Variants in GTF2A1L observed in about 807,000 individuals in gnomAD.
GTF2A1L encodes the protein TFIIA-alpha and beta-like factor.
A neutral mutation model predicts 49.7 loss-of-function variants in GTF2A1L; 48 were observed. That is an observed-to-expected ratio of 0.97 (90% CI 0.77 to 1.23). The LOEUF is 1.23. GTF2A1L is among the 50% of genes most tolerant of loss of function. GTF2A1L has a pLI of 0.00. For synonymous variants in GTF2A1L, 246 were observed against 193.5 expected (o/e 1.27, Z -2.25); for missense variants, 736 against 564.8 (o/e 1.30, Z -3.07).
At chr2:48,661,247 CTTTTTTTT>C (rs70946820) in intron 6 of GTF2A1L, among the ~76,000 whole-genome samples, 14 of 62,740 alleles carry the variant, frequency 2.2e-4, no homozygotes, top group Admixed American at 1.3e-3. Flanking sequence ...CATCCCCAAA[CTTTTTTTT>C]TTTTTTTTTT....
chr2:48,631,854 G>T (rs941068013), intron 3 of GTF2A1L, among the ~76,000 whole-genome samples: 3 of 152,056 alleles, frequency 2.0e-5, no homozygotes, highest in Non-Finnish European at 4.4e-5. Flanking sequence ...TTGGTATGTT[G>T]TGTCTGTGTT....
At chr2:48,626,035 A>AT (rs2104084991) in intron 3 of GTF2A1L, among the ~76,000 whole-genome samples, 1 of 143,916 alleles carries the variant, frequency 6.9e-6, no homozygotes, top group Admixed American at 7.0e-5. Context: ...TTTTGAATTG[A>AT]TTTTTATGTA....
At chr2:48,629,476 A>G (rs1676463380) in intron 3 of GTF2A1L, among the ~76,000 whole-genome samples, 1 of 144,044 alleles carries the variant, frequency 6.9e-6, no homozygotes, top group South Asian at 2.4e-4. Context: ...CAACAATGGC[A>G]AGGTTGTGGA....
At chr2:48,669,219 T>C (rs1572773341) in intron 6 of GTF2A1L, among the ~76,000 whole-genome samples, 1 of 152,206 alleles carries the variant, frequency 6.6e-6, no homozygotes, top group Non-Finnish European at 1.5e-5. Flanking sequence ...ACCTCGATTT[T>C]ACTTTCTGTT....
intron 8 of GTF2A1L, among the ~76,000 whole-genome samples, chr2:48,678,115 C>T (rs1297375398): frequency 6.6e-6 from 1 of 151,588 alleles, no homozygotes. Context: ...TATGATTTGT[C>T]AGTAACTGAA....
At chr2:48,641,008 T>C (rs974428330) in intron 3 of GTF2A1L, among the ~76,000 whole-genome samples, 1 of 152,214 alleles carries the variant, frequency 6.6e-6, no homozygotes, top group Non-Finnish European at 1.5e-5. Context: ...AACTCTCTTA[T>C]TGTACTGTTT....
At position 48,679,520 on chromosome 2, in the gene GTF2A1L, A is replaced by G. The variant is rs1009765738; in HGVS notation, c.*78A>G. On this transcript the variant is annotated 3_prime_UTR_variant, in exon 9 of 9. Coordinates refer to ENST00000403751, the MANE Select transcript of GTF2A1L (RefSeq NM_006872.5). ...ATATTGTGAATTCATTTTTATTTTG[A>G]ATATAGTCCAGCACAGAGCTGTTCA... 39 of 1,584,336 alleles carry G rather than the reference A, an allele frequency of 2.5e-5. No homozygotes were observed. In the African/African-American group the frequency reaches 4.0e-4, roughly 16 times the overall value.
chr2:48,620,813 AT>A (rs1675948316), intron 1 of GTF2A1L, 37 bp from the exon 2 acceptor site: 12 of 1,139,524 alleles, frequency 1.1e-5, no homozygotes, highest in Admixed American at 9.8e-5. Context: ...AAATAAATAA[AT>A]AAATAAAATG....
intron 4 of GTF2A1L, 98 bp downstream of exon 4, chr2:48,642,555 T>C: frequency 8.2e-7 from 1 of 1,214,072 alleles, no homozygotes; most frequent in South Asian, 1.9e-5. Flanking sequence ...TACCCTCCAG[T>C]TGAAAGTGAA....
At chr2:48,658,689 T>C (rs150768401) in intron 6 of GTF2A1L, among the ~76,000 whole-genome samples, 32 of 152,248 alleles carry the variant, frequency 2.1e-4, no homozygotes, top group African/African-American at 7.5e-4. Flanking sequence ...TTGGTCTGTT[T>C]AGAGTTTCAA....
intron 6 of GTF2A1L, among the ~76,000 whole-genome samples, chr2:48,650,633 A>G (rs189245215): frequency 4.2e-4 from 64 of 152,328 alleles, no homozygotes; most frequent in Middle Eastern, 3.4e-3. Context: ...TGAAATTAAT[A>G]TATCAAAATC....
chr2:48,638,986 A>G (rs1677056156), intron 3 of GTF2A1L, among the ~76,000 whole-genome samples: 1 of 152,128 alleles, frequency 6.6e-6, no homozygotes, highest in Non-Finnish European at 1.5e-5. Context: ...CTAGCAATAC[A>G]GCTAACCAGG....
intron 6 of GTF2A1L, among the ~76,000 whole-genome samples, chr2:48,662,116 C>T (rs1176496751): frequency 6.6e-6 from 1 of 152,110 alleles, no homozygotes; most frequent in African/African-American, 2.4e-5. Context: ...CTGTTTTAAT[C>T]AGATAGTCAC....
Position 48,669,807 on chromosome 2 carries a change from C to G in GTF2A1L, c.1064C>G (p.Thr355Arg). The G allele has an allele frequency of 6.2e-7, 1 of 1,614,008 alleles. No homozygotes were observed. Among genetic ancestry groups the G allele is most frequent in the Non-Finnish European group, 8.5e-7 (1 of 1,179,982 alleles). Residue 355 changes from threonine to arginine, a missense_variant, in exon 7 of 9, where the codon ACA becomes AGA. Transcript: ENST00000403751. ...ATTCAAGTAGATGGAAGCGGTGATA[C>G]ATCTTCCAATGAAGAAATAGGAAGT... ...EIIQVDGSGD[T>R]SSNEEIGSTR... is the part of the protein sequence containing the mutation.
At chr2:48,645,336 C>G (rs976170108) in intron 5 of GTF2A1L, among the ~76,000 whole-genome samples, 13 of 152,288 alleles carry the variant, frequency 8.5e-5, no homozygotes, top group African/African-American at 2.9e-4. Context: ...ATTCCCAGTT[C>G]TCTTTCCCAA....
Position 48,646,633 on chromosome 2 carries a change from TTGAAACCG to T in GTF2A1L, c.572_579del (p.Glu191AlafsTer14), listed in dbSNP as rs1558734648. ...GCAACTACTGAAAAATCACAGAGAA[TTGAAACCG>T]TGCTACAGCAACCCGCAATTCTACC... is the stretch of plus-strand genomic sequence containing the variant. On this transcript the variant is annotated frameshift_variant, in exon 6 of 9. Transcript: ENST00000403751. LOFTEE classifies it high-confidence loss of function. 6.2e-7 allele frequency: 1 copy of T among 1,614,052 alleles called. No homozygotes were observed. Among genetic ancestry groups the T allele is most frequent in the African/African-American group, 1.3e-5 (1 of 74,978 alleles).
chr2:48,650,403 A>G (rs773060848), intron 6 of GTF2A1L, among the ~76,000 whole-genome samples: 9 of 152,212 alleles, frequency 5.9e-5, no homozygotes, highest in Non-Finnish European at 1.2e-4. Flanking sequence ...AGTGATTGTA[A>G]TATATAGTCA....
chr2:48,627,576 G>T (rs1676355177), intron 3 of GTF2A1L, among the ~76,000 whole-genome samples: 1 of 144,038 alleles, frequency 6.9e-6, no homozygotes, highest in South Asian at 2.4e-4. Context: ...AATACATGCT[G>T]TTAGTTTTTC....
At chr2:48,633,992 C>T (rs553290912) in intron 3 of GTF2A1L, among the ~76,000 whole-genome samples, 134 of 152,220 alleles carry the variant, frequency 8.8e-4, no homozygotes, top group African/African-American at 3.1e-3. Flanking sequence ...GATCACTCTT[C>T]AGCCCTTTAT....
Sources: gnomAD v4.1 joint callset for allele counts (sites outside exome capture counted in the v4.1 genomes callset) on GRCh38, gnomAD v4.1.1 for gene constraint, MANE v1.5 for transcripts, NCBI Gene and HGNC (gene_info 2026-07-23, HGNC 2026-07-21) for gene names.